The following DPP10 variants were observed in gnomAD, a reference collection of about 807,000 sequenced individuals.
DPP10 encodes inactive dipeptidyl peptidase 10.
DPP10 carries 33 observed loss-of-function variants against 120.9 expected under a neutral mutation model. The observed-to-expected ratio is 0.27, with a 90% confidence interval of 0.21 to 0.37. DPP10 has a LOEUF of 0.37. Among genes scored for constraint, DPP10 ranks in the 10% least tolerant of loss-of-function variants. The pLI is 1.00. For synonymous variants in DPP10, 337 were observed against 326.1 expected, an observed-to-expected ratio of 1.03 and a Z score of -0.36; for missense variants, 816 against 942.8, an observed-to-expected ratio of 0.87 and a Z score of 1.76.
chr2:114,749,020 A>T (rs1474016962), intron 1 of DPP10, among the ~76,000 whole-genome samples: 1 of 134,158 alleles, frequency 7.5e-6, no homozygotes, highest in East Asian at 2.2e-4. Flanking sequence ...AGTCCCACCA[A>T]CAGTGTAAAA....
At chr2:114,950,174 C>T (rs1481687977) in intron 1 of DPP10, among the ~76,000 whole-genome samples, 1 of 151,754 alleles carries the variant, frequency 6.6e-6, no homozygotes, top group Non-Finnish European at 1.5e-5. Flanking sequence ...TAAACTCAGA[C>T]AATGTATTTC....
intron 3 of DPP10, among the ~76,000 whole-genome samples, chr2:115,431,164 GT>G: frequency 6.6e-6 from 1 of 152,322 alleles, no homozygotes; most frequent in East Asian, 1.9e-4. Context: ...CAGGAATTCT[GT>G]GATAAATATG....
At chr2:115,056,533 G>GT (rs537851738) in intron 1 of DPP10, among the ~76,000 whole-genome samples, 141 of 152,058 alleles carry the variant, frequency 9.3e-4, no homozygotes, top group African/African-American at 3.1e-3. Flanking sequence ...CTATTTTTTT[G>GT]TTTTTTTCTA....
chr2:114,912,289 C>T (rs1694426024), intron 1 of DPP10, among the ~76,000 whole-genome samples: 1 of 151,990 alleles, frequency 6.6e-6, no homozygotes, highest in Non-Finnish European at 1.5e-5. Flanking sequence ...ACTATATAAC[C>T]ACTGTGATTC....
chr2:115,712,364 G>T (rs2092346164), intron 7 of DPP10, among the ~76,000 whole-genome samples: 3 of 150,880 alleles, frequency 2.0e-5, no homozygotes, highest in Admixed American at 2.0e-4. Context: ...GATGGGAGTG[G>T]CTGTAAGCAC....
chr2:115,170,206 C>T (rs1386381699), intron 1 of DPP10, among the ~76,000 whole-genome samples: 2 of 152,192 alleles, frequency 1.3e-5, no homozygotes, highest in Admixed American at 6.5e-5. Flanking sequence ...TCACATCTCA[C>T]CTCCAGGAAT....
At chr2:114,814,450 A>G (rs766575423) in intron 1 of DPP10, among the ~76,000 whole-genome samples, 47 of 151,940 alleles carry the variant, frequency 3.1e-4, no homozygotes, top group Middle Eastern at 6.8e-3. Flanking sequence ...AATTTAAGAT[A>G]TTCTAATAGC....
chr2:115,548,430 C>T (rs1014401445), intron 5 of DPP10, among the ~76,000 whole-genome samples: 9 of 152,182 alleles, frequency 5.9e-5, no homozygotes, highest in African/African-American at 1.4e-4. Flanking sequence ...GTATTAAAGA[C>T]GAGTTTCCCA....
At chr2:114,663,320 A>G (rs1478025833) in intron 1 of DPP10, among the ~76,000 whole-genome samples, 2 of 150,212 alleles carry the variant, frequency 1.3e-5, no homozygotes, top group East Asian at 3.9e-4. Flanking sequence ...ACATATATGT[A>G]TGAAATGAGT....
intron 3 of DPP10, among the ~76,000 whole-genome samples, chr2:115,470,453 G>A (rs1215375480): frequency 1.3e-5 from 2 of 152,138 alleles, no homozygotes; most frequent in Admixed American, 6.5e-5. Context: ...ATATGAACAA[G>A]TAGATGGCCA....
chr2:114,754,543 G>A (rs1429735998), intron 1 of DPP10, among the ~76,000 whole-genome samples: 2 of 152,150 alleles, frequency 1.3e-5, no homozygotes, highest in Non-Finnish European at 2.9e-5. Flanking sequence ...CTTTGATGGT[G>A]GCTGCACATT....
At chr2:115,489,113 T>G (rs2105331198) in intron 3 of DPP10, among the ~76,000 whole-genome samples, 1 of 152,230 alleles carries the variant, frequency 6.6e-6, no homozygotes, top group South Asian at 2.1e-4. Context: ...AGCAAACTTT[T>G]TATTTAAAGA....
At chr2:115,815,777 A>G in intron 21 of DPP10, 48 bp downstream of exon 21, 5 of 1,524,228 alleles carry the variant, frequency 3.3e-6, no homozygotes, top group Non-Finnish European at 4.5e-6. Context: ...TATCTATGTT[A>G]TGTAATATCC....
chr2:114,888,917 C>A (rs905653717), intron 1 of DPP10, among the ~76,000 whole-genome samples: 1 of 152,124 alleles, frequency 6.6e-6, no homozygotes, highest in South Asian at 2.1e-4. Context: ...CTCCCAAATT[C>A]GTGTGTTGAA....
intron 17 of DPP10, among the ~76,000 whole-genome samples, chr2:115,789,260 C>A (rs1187386140): frequency 6.6e-6 from 1 of 152,116 alleles, no homozygotes; most frequent in Non-Finnish European, 1.5e-5. Flanking sequence ...GCAAGTCAAA[C>A]CTAGCAATTA....
intron 7 of DPP10, among the ~76,000 whole-genome samples, chr2:115,703,685 A>G (rs2091983154): frequency 6.6e-6 from 1 of 152,028 alleles, no homozygotes; most frequent in South Asian, 2.1e-4. Context: ...TCTACTTAAA[A>G]TGAATTGATT....
At chr2:115,648,612 TA>T (rs771052298) in intron 5 of DPP10, among the ~76,000 whole-genome samples, 835 of 137,574 alleles carry the variant, frequency 6.1e-3, no homozygotes, top group Middle Eastern at 0.011. Context: ...CCCCGGAACT[TA>T]AAAAAAAAAA....
intron 3 of DPP10, among the ~76,000 whole-genome samples, chr2:115,395,020 C>T (rs2067580201): frequency 6.6e-6 from 1 of 152,186 alleles, no homozygotes; most frequent in African/African-American, 2.4e-5. Flanking sequence ...TTTATGTTCT[C>T]AAAGCTGTTT....
At chr2:115,244,001 A>G (rs1240206898) in intron 1 of DPP10, among the ~76,000 whole-genome samples, 1 of 151,442 alleles carries the variant, frequency 6.6e-6, no homozygotes, top group Non-Finnish European at 1.5e-5. Flanking sequence ...ATATAGTCCT[A>G]CTTTTTAGAT....
Sources: gnomAD v4.1 joint callset for allele counts (sites outside exome capture counted in the v4.1 genomes callset) on GRCh38, gnomAD v4.1.1 for gene constraint, MANE v1.5 for transcripts, NCBI Gene and HGNC (gene_info 2026-07-23, HGNC 2026-07-21) for gene names.